The following SCFD2 variants were observed in gnomAD, a reference collection of about 807,000 sequenced individuals.
SCFD2 encodes the protein sec1 family domain containing 2.
In SCFD2, 54 loss-of-function variants were observed where a neutral mutation model predicts 58.9. The observed-to-expected ratio is 0.92, with a 90% CI of 0.74 to 1.15. The LOEUF (loss-of-function observed/expected upper bound fraction) is 1.15. SCFD2 is among the 50% of genes most tolerant of loss of function. SCFD2 has a pLI of 0.00. For synonymous variants in SCFD2, 321 were observed against 335.9 expected (o/e 0.96, Z 0.49); for missense variants, 805 against 836.6 (o/e 0.96, Z 0.47).
At chr4:53,082,843 T>C (rs1303351183) in intron 5 of SCFD2, among the ~76,000 whole-genome samples, 2 of 152,166 alleles carry the variant, frequency 1.3e-5, no homozygotes, top group Non-Finnish European at 2.9e-5. Flanking sequence ...ACTTTCCTGG[T>C]TCTAGAGCCT....
At chr4:53,240,648 T>G (rs1286934312) in intron 4 of SCFD2, among the ~76,000 whole-genome samples, 1 of 152,232 alleles carries the variant, frequency 6.6e-6, no homozygotes, top group Non-Finnish European at 1.5e-5. Context: ...GATTACTGTT[T>G]GAATCTCAAA....
intron 5 of SCFD2, among the ~76,000 whole-genome samples, chr4:52,963,973 G>A (rs539460154): frequency 1.3e-5 from 2 of 152,290 alleles, no homozygotes; most frequent in Non-Finnish European, 2.9e-5. Context: ...TGAAGGACTA[G>A]TCATACATTT....
At chr4:53,200,747 T>G (rs952541953) in intron 4 of SCFD2, among the ~76,000 whole-genome samples, 2 of 152,164 alleles carry the variant, frequency 1.3e-5, no homozygotes, top group Non-Finnish European at 2.9e-5. Context: ...AAGTACATTC[T>G]GTCTTAATGG....
chr4:53,180,875 C>T (rs1376136893), intron 4 of SCFD2, among the ~76,000 whole-genome samples: 1 of 152,158 alleles, frequency 6.6e-6, no homozygotes, highest in Admixed American at 6.6e-5. Flanking sequence ...CTATAAACAC[C>T]TCTACGCAAA....
At chr4:53,190,030 T>A (rs571649646) in intron 4 of SCFD2, among the ~76,000 whole-genome samples, 6 of 152,294 alleles carry the variant, frequency 3.9e-5, no homozygotes, top group Admixed American at 6.5e-5. Context: ...AGTAACATGA[T>A]ATGAAAATAC....
chr4:53,119,207 A>T (rs1339880271), intron 5 of SCFD2, among the ~76,000 whole-genome samples: 1 of 152,042 alleles, frequency 6.6e-6, no homozygotes, highest in Admixed American at 6.6e-5. Context: ...AATCCCAGCT[A>T]CTCAGGAGGC....
At chr4:53,298,381 A>T (rs1732128662) in intron 3 of SCFD2, among the ~76,000 whole-genome samples, 1 of 152,174 alleles carries the variant, frequency 6.6e-6, no homozygotes. Flanking sequence ...ACGGCAAGGC[A>T]GTAGCGAGGC....
intron 5 of SCFD2, among the ~76,000 whole-genome samples, chr4:53,134,384 C>T (rs931450946): frequency 2.0e-5 from 3 of 151,892 alleles, no homozygotes; most frequent in Admixed American, 6.6e-5. Flanking sequence ...AAAAACAGTG[C>T]TTTTTAAACC....
At chr4:53,340,458 C>A (rs1366866488) in intron 2 of SCFD2, among the ~76,000 whole-genome samples, 2 of 152,156 alleles carry the variant, frequency 1.3e-5, no homozygotes, top group Admixed American at 1.3e-4. Flanking sequence ...AACACAGCAG[C>A]CTGGAAGCTA....
chr4:53,212,851 C>T (rs748574220), intron 4 of SCFD2, among the ~76,000 whole-genome samples: 3 of 151,254 alleles, frequency 2.0e-5, no homozygotes, highest in African/African-American at 4.9e-5. Flanking sequence ...AATGATTACA[C>T]GGTTTTTTTT....
intron 7 of SCFD2, 38 bp downstream of exon 7, chr4:52,907,418 AT>A: frequency 6.2e-7 from 1 of 1,601,088 alleles, no homozygotes; most frequent in Non-Finnish European, 8.6e-7. Flanking sequence ...CAAAGAGAAC[AT>A]TTCTACACTC....
intron 7 of SCFD2, among the ~76,000 whole-genome samples, chr4:52,892,358 CT>C (rs1443047379): frequency 1.3e-5 from 2 of 152,168 alleles, no homozygotes; most frequent in Non-Finnish European, 2.9e-5. Context: ...TTGTTTCTGT[CT>C]TGTGCACTGC....
At chr4:53,260,314 A>G (rs1730791963) in intron 4 of SCFD2, among the ~76,000 whole-genome samples, 1 of 152,150 alleles carries the variant, frequency 6.6e-6, no homozygotes, top group Non-Finnish European at 1.5e-5. Flanking sequence ...TCCAGTTCTC[A>G]GAGGGGATGC....
intron 5 of SCFD2, among the ~76,000 whole-genome samples, chr4:52,953,396 A>G (rs1478363304): frequency 6.6e-6 from 1 of 152,226 alleles, no homozygotes; most frequent in African/African-American, 2.4e-5. Context: ...AGGGACCTCT[A>G]CTATGTCTAC....
At chr4:53,225,855 C>T (rs537751694) in intron 4 of SCFD2, among the ~76,000 whole-genome samples, 98 of 152,256 alleles carry the variant, frequency 6.4e-4, no homozygotes, top group African/African-American at 2.2e-3. Flanking sequence ...TGGTGGCTTT[C>T]CCCCTTTGTG....
chr4:53,180,569 C>T (rs963418808), intron 4 of SCFD2, among the ~76,000 whole-genome samples: 1 of 151,988 alleles, frequency 6.6e-6, no homozygotes, highest in East Asian at 1.9e-4. Context: ...AAAATTGACA[C>T]CCTAACATCA....
intron 6 of SCFD2, among the ~76,000 whole-genome samples, chr4:52,909,959 G>A (rs1200481298): frequency 2.0e-5 from 3 of 152,186 alleles, no homozygotes; most frequent in Non-Finnish European, 4.4e-5. Flanking sequence ...TAGCCTTTCT[G>A]GACATTGACT....
intron 5 of SCFD2, among the ~76,000 whole-genome samples, chr4:53,050,556 G>C (rs1162617389): frequency 6.6e-6 from 1 of 152,168 alleles, no homozygotes; most frequent in Non-Finnish European, 1.5e-5. Flanking sequence ...ACAGTGGTGG[G>C]AGGCTATGAA....
At chr4:53,017,052 G>A (rs1722230141) in intron 5 of SCFD2, among the ~76,000 whole-genome samples, 1 of 152,180 alleles carries the variant, frequency 6.6e-6, no homozygotes, top group African/African-American at 2.4e-5. Flanking sequence ...AGGTTGCAGT[G>A]AGCTGAGATT....
Sources: allele counts gnomAD v4.1 joint callset (sites outside exome capture counted in the v4.1 genomes callset), GRCh38; gene constraint gnomAD v4.1.1; transcripts MANE v1.5; gene names NCBI Gene and HGNC (gene_info 2026-07-23, HGNC 2026-07-21).